Variants in DNAJC1 observed in about 807,000 individuals in gnomAD.
DNAJC1 encodes DnaJ heat shock protein family (Hsp40) member C1, also known as dnaJ homolog subfamily C member 1.
Under a neutral mutation model 76.6 loss-of-function variants are expected in DNAJC1, and 58 were observed. The ratio of observed to expected loss-of-function variants is 0.76; its 90% confidence interval spans 0.61 to 0.94. DNAJC1 has a LOEUF of 0.94. Among genes scored for constraint, DNAJC1 ranks in the 40% least tolerant of loss-of-function variants. The pLI is 0.00. For missense variants in DNAJC1, 689 were observed against 677.3 expected, an observed-to-expected ratio of 1.02 and a Z score of -0.19; for synonymous variants, 258 against 267.9, an observed-to-expected ratio of 0.96 and a Z score of 0.36.
At chr10:21,898,741 G>A (rs935901594) in intron 7 of DNAJC1, among the ~76,000 whole-genome samples, 2 of 150,692 alleles carry the variant, frequency 1.3e-5, no homozygotes, top group Non-Finnish European at 2.9e-5. Flanking sequence ...TTTAGTACAT[G>A]TATATTTAGT....
chr10:21,978,714 A>G (rs1838104417), intron 1 of DNAJC1, among the ~76,000 whole-genome samples: 1 of 152,126 alleles, frequency 6.6e-6, no homozygotes, highest in African/African-American at 2.4e-5. Context: ...AAGACTGGAA[A>G]CATACACAAA....
intron 6 of DNAJC1, among the ~76,000 whole-genome samples, chr10:21,905,603 T>C (rs1477139184): frequency 6.6e-6 from 1 of 152,218 alleles, no homozygotes; most frequent in Non-Finnish European, 1.5e-5. Flanking sequence ...CCTTGTACAC[T>C]ACTTCTATAT....
intron 7 of DNAJC1, among the ~76,000 whole-genome samples, chr10:21,899,708 A>C (rs1396815770): frequency 6.6e-6 from 1 of 152,182 alleles, no homozygotes; most frequent in Non-Finnish European, 1.5e-5. Flanking sequence ...GAGGACGGGA[A>C]TGGGATCAGG....
intron 8 of DNAJC1, among the ~76,000 whole-genome samples, chr10:21,856,805 C>T (rs1176660955): frequency 2.6e-5 from 4 of 151,936 alleles, no homozygotes; most frequent in Admixed American, 1.3e-4. Flanking sequence ...GGCGCTATCT[C>T]GGCTCACTGC....
chr10:21,798,795 G>A (rs1328774864), intron 9 of DNAJC1, among the ~76,000 whole-genome samples: 2 of 152,002 alleles, frequency 1.3e-5, no homozygotes, highest in African/African-American at 2.4e-5. Context: ...AGCTCCTTAG[G>A]GCAACTATCT....
At chr10:21,817,856 T>C (rs1410603303) in intron 8 of DNAJC1, among the ~76,000 whole-genome samples, 2 of 152,168 alleles carry the variant, frequency 1.3e-5, no homozygotes, top group South Asian at 2.1e-4. Context: ...CCCCAATCAA[T>C]ACCCTTGTGA....
chr10:21,872,478 G>GT (rs1220255161), intron 8 of DNAJC1, among the ~76,000 whole-genome samples: 2 of 152,114 alleles, frequency 1.3e-5, no homozygotes, highest in Admixed American at 1.3e-4. Flanking sequence ...AACAGATTAA[G>GT]TTATTTAAAG....
intron 9 of DNAJC1, among the ~76,000 whole-genome samples, chr10:21,790,159 T>TA (rs779854863): frequency 0.046 from 5,240 of 114,964 alleles, 129 homozygotes; most frequent in Non-Finnish European, 0.068. Context: ...ATCAAAAAAG[T>TA]AAAAAAAAAA....
chr10:21,996,425 A>G (rs551514533), intron 1 of DNAJC1, among the ~76,000 whole-genome samples: 1 of 152,344 alleles, frequency 6.6e-6, no homozygotes, highest in Non-Finnish European at 1.5e-5. Context: ...CCTCTCAGCA[A>G]TCAAGTCAAA....
chr10:21,899,396 C>T (rs889946613), intron 7 of DNAJC1, among the ~76,000 whole-genome samples: 5 of 152,188 alleles, frequency 3.3e-5, no homozygotes, highest in East Asian at 1.9e-4. Flanking sequence ...CACTGGGGCT[C>T]GGAATTACAG....
chr10:21,967,193 T>C (rs1186011478), intron 1 of DNAJC1, among the ~76,000 whole-genome samples: 1 of 152,188 alleles, frequency 6.6e-6, no homozygotes, highest in Non-Finnish European at 1.5e-5. Context: ...ATAATGTCTA[T>C]CTGCAGTCAA....
In DNAJC1 at chr10:21,943,802, A is replaced by G. The variant is rs1385466200; in HGVS notation, c.223-14661T>C. Among the ~76,000 whole-genome samples the G allele has an allele frequency of 3.3e-5, 5 of 152,224 alleles. No homozygotes were observed. In the East Asian group the frequency reaches 9.6e-4, roughly 29 times the overall value. On this transcript the variant is annotated intron_variant, in intron 1 of 11. Transcript: ENST00000376980. Reference sequence around the variant, plus strand: ...AGTGACTGCTATTGCTAAACTGCCTAGTCCAATTTCCCAATGTTATGTTTC... The same window carrying G: ...AGTGACTGCTATTGCTAAACTGCCTGGTCCAATTTCCCAATGTTATGTTTC...
At position 21,964,867 on chromosome 10, in the gene DNAJC1, A is replaced by G. The variant is rs570047319; in HGVS notation, c.223-35726T>C. On this transcript the variant is annotated intron_variant, in intron 1 of 11. Coordinates refer to ENST00000376980, the MANE Select transcript of DNAJC1 (RefSeq NM_022365.4). Reference sequence around the variant, plus strand: ...TGAAGACAATACACTCTTTTTCTTCACTGCTGCTATGGAAAAGTCATCAAT... The same window carrying G: ...TGAAGACAATACACTCTTTTTCTTCGCTGCTGCTATGGAAAAGTCATCAAT... 3.0e-4 allele frequency among the ~76,000 whole-genome samples: 45 copies of G among 152,106 alleles called. No individual in the cohort carries two copies. In the East Asian group the frequency reaches 5.8e-3, roughly 20 times the overall value.
intron 9 of DNAJC1, among the ~76,000 whole-genome samples, chr10:21,779,235 T>C (rs534552246): frequency 6.6e-6 from 1 of 152,236 alleles, no homozygotes; most frequent in African/African-American, 2.4e-5. Context: ...TGTGACAGCT[T>C]TGAAGAGAGT....
At chr10:21,842,668 C>T (rs1379634528) in intron 8 of DNAJC1, among the ~76,000 whole-genome samples, 2 of 152,152 alleles carry the variant, frequency 1.3e-5, no homozygotes, top group Non-Finnish European at 2.9e-5. Flanking sequence ...TGAAATGAGG[C>T]ACAAATGAAC....
intron 8 of DNAJC1, among the ~76,000 whole-genome samples, chr10:21,811,224 A>T (rs1834960330): frequency 6.6e-6 from 1 of 152,218 alleles, no homozygotes; most frequent in African/African-American, 2.4e-5. Flanking sequence ...TTATTGGGTA[A>T]ACTGAAGGCA....
chr10:21,871,132 T>C (rs560058027), intron 8 of DNAJC1, among the ~76,000 whole-genome samples: 2 of 152,212 alleles, frequency 1.3e-5, no homozygotes, highest in East Asian at 3.9e-4. Flanking sequence ...ATATTGTCTT[T>C]GTATGATGCA....
At chr10:21,892,250 T>C (rs1027411826) in intron 7 of DNAJC1, among the ~76,000 whole-genome samples, 1 of 151,206 alleles carries the variant, frequency 6.6e-6, no homozygotes. Context: ...GAAATGATAA[T>C]AAGAGAGAAA....
chr10:21,769,930 C>T (rs1423794888), intron 9 of DNAJC1, among the ~76,000 whole-genome samples: 8 of 152,140 alleles, frequency 5.3e-5, no homozygotes, highest in Non-Finnish European at 1.2e-4. Flanking sequence ...AGGTGATCCA[C>T]CCACCTCGGC....
Sources: allele counts gnomAD v4.1 joint callset (sites outside exome capture counted in the v4.1 genomes callset), GRCh38; gene constraint gnomAD v4.1.1; transcripts MANE v1.5; gene names NCBI Gene and HGNC (gene_info 2026-07-23, HGNC 2026-07-21).